VAV3: variants seen among roughly 807,000 people sequenced by gnomAD.
VAV3 encodes the protein guanine nucleotide exchange factor VAV3.
In VAV3, 94 loss-of-function variants were observed where a neutral mutation model predicts 131.2. That is an observed-to-expected ratio of 0.72 (90% confidence interval 0.61 to 0.85). VAV3 has a LOEUF of 0.85. VAV3 is among the 40% of genes least tolerant of loss of function. VAV3 has a pLI of 0.00. For synonymous variants in VAV3, 349 were observed against 342.0 expected, an observed-to-expected ratio of 1.02 and a Z score of -0.22; for missense variants, 939 against 1,002.7, an observed-to-expected ratio of 0.94 and a Z score of 0.86.
At chr1:107,618,381 T>A (rs1653326734) in intron 20 of VAV3, among the ~76,000 whole-genome samples, 1 of 152,156 alleles carries the variant, frequency 6.6e-6, no homozygotes, top group Non-Finnish European at 1.5e-5. Flanking sequence ...TCTAGCAAGA[T>A]GAGATTTCAA....
intron 1 of VAV3, among the ~76,000 whole-genome samples, chr1:107,912,072 T>TGC (rs1182601211): frequency 6.6e-6 from 1 of 152,222 alleles, no homozygotes; most frequent in Non-Finnish European, 1.5e-5. Context: ...TGTGTGTGTG[T>TGC]GCGTGTTTAC....
At position 107,755,477 on chromosome 1, in the gene VAV3, T is replaced by C; in HGVS notation, c.1123A>G (p.Asn375Asp). ...AQYVNEVKRD[N>D]ETLREIKQFQ... ...TGTTTAATTTCACGAAGGGTCTCAT[T>C]ATCTCTTTTCACTTCATTCACATAT... Residue 375 changes from asparagine (N) to aspartate (D), a missense_variant, in exon 12 of 27, where the codon AAT (asparagine) becomes GAT (aspartate). Coordinates refer to ENST00000370056, the MANE Select transcript of VAV3 (RefSeq NM_006113.5). 1 of 1,613,812 alleles carries C rather than the reference T, an allele frequency of 6.2e-7. No homozygotes were observed.
intron 2 of VAV3, among the ~76,000 whole-genome samples, chr1:107,824,143 T>C (rs4630150): frequency 2.6e-5 from 4 of 152,032 alleles, no homozygotes; most frequent in Admixed American, 1.3e-4. Flanking sequence ...TGTCCCAGTA[T>C]ACAGAATATA....
chr1:107,762,403 G>C (rs969651659), intron 9 of VAV3, among the ~76,000 whole-genome samples: 1 of 152,196 alleles, frequency 6.6e-6, no homozygotes, highest in Non-Finnish European at 1.5e-5. Flanking sequence ...CAGTCAAAAT[G>C]AATTGGGGAC....
chr1:107,843,386 A>ATATG (rs1668815507), intron 2 of VAV3, among the ~76,000 whole-genome samples: 1 of 147,622 alleles, frequency 6.8e-6, no homozygotes, highest in African/African-American at 2.5e-5. Flanking sequence ...ATATATATAT[A>ATATG]TATAGTTAAT....
At chr1:107,643,142 AT>A (rs1156930618) in intron 19 of VAV3, among the ~76,000 whole-genome samples, 2 of 152,144 alleles carry the variant, frequency 1.3e-5, no homozygotes, top group Admixed American at 6.6e-5. Context: ...GCACTGGCTG[AT>A]TTCATCACTG....
At chr1:107,628,008 T>A (rs1046587295) in intron 20 of VAV3, among the ~76,000 whole-genome samples, 1 of 149,510 alleles carries the variant, frequency 6.7e-6, no homozygotes, top group African/African-American at 2.4e-5. Flanking sequence ...GGAAGAAGGA[T>A]AAAAAGACCC....
At chr1:107,643,832 G>T (rs1019748674) in intron 19 of VAV3, among the ~76,000 whole-genome samples, 2 of 152,086 alleles carry the variant, frequency 1.3e-5, no homozygotes, top group Non-Finnish European at 2.9e-5. Flanking sequence ...AAACAAGTGT[G>T]GCTATAAACT....
chr1:107,591,921 G>A (rs557700021), intron 25 of VAV3, among the ~76,000 whole-genome samples: 183 of 152,036 alleles, frequency 1.2e-3, no homozygotes, highest in African/African-American at 4.3e-3. Flanking sequence ...GCATTGATGC[G>A]GTACTATTTT....
At position 107,571,910 on chromosome 1, in the gene VAV3, A is replaced by G. The variant is rs970325658; in HGVS notation, c.*1421T>C. Reference sequence around the variant, plus strand: ...TGAGAGGGCAGGCTACACCTGCTTCATTTCAGAGATGATTCAAAATTTCAG... The same window carrying G: ...TGAGAGGGCAGGCTACACCTGCTTCGTTTCAGAGATGATTCAAAATTTCAG... On this transcript the variant is annotated 3_prime_UTR_variant, in exon 27 of 27. Coordinates refer to ENST00000370056, the MANE Select transcript of VAV3 (RefSeq NM_006113.5). The G allele has an allele frequency of 2.0e-5, 3 of 152,628 alleles. No homozygotes were observed. The highest frequency in any genetic ancestry group is 7.2e-5 in the African/African-American group (3 of 41,458). 9.5% of individuals were successfully genotyped at this position (152,628 alleles called of 1,614,324 possible).
intron 19 of VAV3, among the ~76,000 whole-genome samples, chr1:107,649,947 C>T (rs1656030808): frequency 6.6e-6 from 1 of 151,916 alleles, no homozygotes. Flanking sequence ...CATAAAGAAC[C>T]ACTTAGAAAG....
At chr1:107,789,260 C>A (rs745781684) in intron 2 of VAV3, among the ~76,000 whole-genome samples, 1 of 152,194 alleles carries the variant, frequency 6.6e-6, no homozygotes, top group Non-Finnish European at 1.5e-5. Flanking sequence ...TCACACAACT[C>A]ACTGGCAAAG....
intron 8 of VAV3, among the ~76,000 whole-genome samples, chr1:107,765,594 T>C (rs1664691606): frequency 6.6e-6 from 1 of 152,228 alleles, no homozygotes; most frequent in Admixed American, 6.5e-5. Flanking sequence ...ATATAACTCC[T>C]TCATTATTAA....
At chr1:107,835,161 C>G (rs1486191510) in intron 2 of VAV3, among the ~76,000 whole-genome samples, 2 of 152,188 alleles carry the variant, frequency 1.3e-5, no homozygotes, top group African/African-American at 4.8e-5. Context: ...GCATGCTCCC[C>G]TGTCCACCAG....
chr1:107,711,009 GTT>G (rs1350003198), intron 15 of VAV3, among the ~76,000 whole-genome samples: 2 of 152,026 alleles, frequency 1.3e-5, no homozygotes, highest in African/African-American at 4.8e-5. Flanking sequence ...GAAAATAAAA[GTT>G]TTTGAAGTCA....
intron 15 of VAV3, among the ~76,000 whole-genome samples, chr1:107,735,930 C>T (rs1329870016): frequency 6.6e-6 from 1 of 152,128 alleles, no homozygotes; most frequent in East Asian, 1.9e-4. Flanking sequence ...ACCAATATCC[C>T]TGATGAACAT....
Position 107,721,782 on chromosome 1 carries a change from G to A in VAV3, c.1503-16721C>T, listed in dbSNP as rs190069484. ...AACATCAAACTACACAAACTAAGTA[G>A]CAATCTCAGCCTAGCTTTCAGCTTC... is the stretch of plus-strand genomic sequence containing the variant. On this transcript the variant is annotated intron_variant, in intron 15 of 26. Transcript: ENST00000370056. 5.8e-4 allele frequency among the ~76,000 whole-genome samples: 89 copies of A among 152,216 alleles called. 1 individual carries two copies. The highest frequency in any genetic ancestry group is 5.7e-3 in the Admixed American group (87 of 15,286).
intron 15 of VAV3, among the ~76,000 whole-genome samples, chr1:107,736,368 C>A (rs902987572): frequency 1.3e-5 from 2 of 152,054 alleles, no homozygotes; most frequent in Non-Finnish European, 1.5e-5. Flanking sequence ...GGCAATCAGG[C>A]AGGAGAAAGA....
intron 15 of VAV3, among the ~76,000 whole-genome samples, chr1:107,743,746 A>G (rs12031375): frequency 0.14 from 21,882 of 152,152 alleles, 1,734 homozygotes; most frequent in South Asian, 0.26. Context: ...ATAACTCTAG[A>G]TTTGAAATGT....
Sources: allele counts gnomAD v4.1 joint callset (sites outside exome capture counted in the v4.1 genomes callset), GRCh38; gene constraint gnomAD v4.1.1; transcripts MANE v1.5; gene names NCBI Gene and HGNC (gene_info 2026-07-23, HGNC 2026-07-21).